Variants in GALNT13 observed in about 807,000 individuals in gnomAD.
GALNT13 encodes UDP-GalNAc:polypeptide N-acetylgalactosaminyltransferase 13.
In GALNT13, 28 loss-of-function variants were observed where a neutral mutation model predicts 64.2. That is an observed-to-expected ratio of 0.44 (90% CI 0.32 to 0.60). The LOEUF (loss-of-function observed/expected upper bound fraction) is 0.60. Ranked by LOEUF, GALNT13 falls within the 20% of genes least tolerant of loss-of-function variation. GALNT13 has a pLI of 0.05. For missense variants in GALNT13, 577 were observed against 669.8 expected (o/e 0.86, Z 1.53); for synonymous variants, 214 against 224.6 (o/e 0.95, Z 0.42).
the GALNT13 span, among the ~76,000 whole-genome samples, chr2:153,436,717 C>G: frequency 6.6e-6 from 1 of 151,856 alleles, no homozygotes; most frequent in Non-Finnish European, 1.5e-5. Flanking sequence ...ATTCTTCTCT[C>G]TTTTCTTTAT....
At chr2:154,043,173 C>G (rs531254890) in intron 3 of GALNT13, among the ~76,000 whole-genome samples, 9 of 151,878 alleles carry the variant, frequency 5.9e-5, no homozygotes, top group African/African-American at 2.2e-4. Context: ...TGGGTGAGCA[C>G]TTGGTAGAGT....
At chr2:153,188,493 G>C in the GALNT13 span, among the ~76,000 whole-genome samples, 5 of 152,122 alleles carry the variant, frequency 3.3e-5, no homozygotes, top group African/African-American at 4.8e-5. Context: ...GAAAGAGAAT[G>C]TTCAAAATGT....
chr2:153,185,596 T>G, the GALNT13 span, among the ~76,000 whole-genome samples: 1 of 152,196 alleles, frequency 6.6e-6, no homozygotes, highest in Non-Finnish European at 1.5e-5. Context: ...GGGCATTTAG[T>G]CCTATAAATT....
the GALNT13 span, among the ~76,000 whole-genome samples, chr2:153,753,507 T>G: frequency 2.0e-3 from 312 of 152,320 alleles, 3 homozygotes; most frequent in African/African-American, 7.2e-3. Flanking sequence ...AGGTCCTACC[T>G]TGATGGTCTT....
intron 8 of GALNT13, among the ~76,000 whole-genome samples, chr2:154,298,572 A>AT (rs1249183142): frequency 2.7e-5 from 2 of 74,846 alleles, no homozygotes; most frequent in African/African-American, 1.0e-4. Context: ...ATTTATATAT[A>AT]AATTGTATAT....
the GALNT13 span, among the ~76,000 whole-genome samples, chr2:153,608,632 T>C: frequency 6.7e-6 from 1 of 148,726 alleles, no homozygotes; most frequent in Non-Finnish European, 1.5e-5. Flanking sequence ...TATATTTCTC[T>C]CTTTCATACA....
the GALNT13 span, among the ~76,000 whole-genome samples, chr2:153,507,984 G>A: frequency 5.3e-5 from 8 of 152,232 alleles, no homozygotes; most frequent in East Asian, 3.9e-4. Context: ...CTCTGGGTTC[G>A]TACTGGGGAG....
At chr2:153,902,694 G>A (rs1688315192) in intron 2 of GALNT13, among the ~76,000 whole-genome samples, 1 of 152,012 alleles carries the variant, frequency 6.6e-6, no homozygotes, top group Admixed American at 6.6e-5. Context: ...TTATTTGGAA[G>A]TAAACAGGTT....
chr2:153,292,773 A>G, the GALNT13 span, among the ~76,000 whole-genome samples: 61 of 152,330 alleles, frequency 4.0e-4, no homozygotes, highest in African/African-American at 1.4e-3. Flanking sequence ...GGTAGTATTA[A>G]CAAAAATTAC....
At chr2:153,621,830 C>T in the GALNT13 span, among the ~76,000 whole-genome samples, 2 of 151,982 alleles carry the variant, frequency 1.3e-5, no homozygotes, top group Non-Finnish European at 2.9e-5. Flanking sequence ...TGGAGCTCAC[C>T]CTTTAGGTCA....
At chr2:154,432,792 G>T (rs1574295382) in intron 11 of GALNT13, among the ~76,000 whole-genome samples, 1 of 152,266 alleles carries the variant, frequency 6.6e-6, no homozygotes, top group East Asian at 1.9e-4. Flanking sequence ...ACTCCAGTAT[G>T]ACTTCATCAT....
rs1691370023 is a variant in GALNT13, at chr2:154,271,804, G to C, written c.975+12666G>C. Among the ~76,000 whole-genome samples the C allele has an allele frequency of 3.3e-5, 5 of 151,548 alleles. No individual in the cohort carries two copies. In the South Asian group the frequency reaches 1.0e-3, roughly 31 times the overall value. On this transcript the variant is annotated intron_variant, in intron 8 of 12. Transcript: ENST00000392825. Reference sequence around the variant, plus strand: ...AGCATAAAAACTAAATATTTATGAGGGCCCAAAATGTAAGTCTCTAGTGGT... The same window carrying C: ...AGCATAAAAACTAAATATTTATGAGCGCCCAAAATGTAAGTCTCTAGTGGT...
At chr2:153,657,404 G>A in the GALNT13 span, among the ~76,000 whole-genome samples, 1 of 152,058 alleles carries the variant, frequency 6.6e-6, no homozygotes, top group African/African-American at 2.4e-5. Flanking sequence ...AACCTTTGCT[G>A]TGTGACAGGC....
the GALNT13 span, among the ~76,000 whole-genome samples, chr2:153,780,214 G>GATATATAT: frequency 5.5e-5 from 7 of 128,060 alleles, no homozygotes; most frequent in East Asian, 7.1e-4. Context: ...AGAATTTGAA[G>GATATATAT]ATATATATAT....
At chr2:153,515,183 G>A in the GALNT13 span, among the ~76,000 whole-genome samples, 1 of 152,134 alleles carries the variant, frequency 6.6e-6, no homozygotes, top group Non-Finnish European at 1.5e-5. Context: ...AAACCCTTCA[G>A]TGACTTTCTT....
chr2:153,557,999 T>A, the GALNT13 span, among the ~76,000 whole-genome samples: 841 of 152,256 alleles, frequency 5.5e-3, 10 homozygotes, highest in African/African-American at 0.019. Flanking sequence ...GAGAAAGGAT[T>A]CCTTTGATAC....
the GALNT13 span, among the ~76,000 whole-genome samples, chr2:153,279,865 G>T: frequency 6.6e-6 from 1 of 151,920 alleles, no homozygotes; most frequent in African/African-American, 2.4e-5. Context: ...TGGTATCAGG[G>T]TAATACTCGC....
the GALNT13 span, among the ~76,000 whole-genome samples, chr2:153,859,133 AC>A: frequency 1.3e-5 from 2 of 152,228 alleles, no homozygotes; most frequent in African/African-American, 2.4e-5. Context: ...AGGGTGTACT[AC>A]TGTAGAATAA....
At chr2:153,473,418 T>A in the GALNT13 span, among the ~76,000 whole-genome samples, 1 of 152,268 alleles carries the variant, frequency 6.6e-6, no homozygotes, top group South Asian at 2.1e-4. Flanking sequence ...TTTAAACATT[T>A]AAAACAACAC....
Sources: allele counts gnomAD v4.1 joint callset (sites outside exome capture counted in the v4.1 genomes callset), GRCh38; gene constraint gnomAD v4.1.1; transcripts MANE v1.5; gene names NCBI Gene and HGNC (gene_info 2026-07-23, HGNC 2026-07-21).